HDAC4: variants seen among roughly 807,000 people sequenced by gnomAD.
HDAC4 encodes the protein histone deacetylase A.
In HDAC4, 16 loss-of-function variants were observed where a neutral mutation model predicts 135.1. The observed-to-expected ratio is 0.12, with a 90% CI of 0.08 to 0.18. The LOEUF (loss-of-function observed/expected upper bound fraction) is 0.18. Among genes scored for constraint, HDAC4 ranks in the 10% least tolerant of loss-of-function variants. HDAC4 has a pLI of 1.00. For missense variants in HDAC4, 1,143 were observed against 1,511.8 expected, an observed-to-expected ratio of 0.76 and a Z score of 4.05; for synonymous variants, 685 against 653.4, an observed-to-expected ratio of 1.05 and a Z score of -0.74.
chr2:239,346,576 C>G (rs1024753229), intron 2 of HDAC4, among the ~76,000 whole-genome samples: 4 of 140,208 alleles, frequency 2.9e-5, no homozygotes, highest in African/African-American at 5.2e-5. Context: ...CACACACACA[C>G]AGACCATAAC....
At position 239,227,714 on chromosome 2, in the gene HDAC4, TG is replaced by T. The variant is rs1340811654; in HGVS notation, c.94+8878del. 2.0e-5 allele frequency among the ~76,000 whole-genome samples: 3 copies of T among 152,178 alleles called. No homozygotes were observed. In the East Asian group the frequency reaches 5.8e-4, roughly 29 times the overall value. Reference sequence around the variant, plus strand: ...CTCGGGTGCGGAGGAACATAGTCTCTGCCCGGTGAAATGAGCAAGCAAGCCT... The same window carrying T: ...CTCGGGTGCGGAGGAACATAGTCTCTCCCGGTGAAATGAGCAAGCAAGCCT... On this transcript the variant is annotated intron_variant, in intron 3 of 26. Transcript: ENST00000543185.
intron 2 of HDAC4, among the ~76,000 whole-genome samples, chr2:239,312,982 T>A (rs1164745830): frequency 1.3e-5 from 2 of 152,174 alleles, no homozygotes; most frequent in African/African-American, 4.8e-5. Context: ...CTCCTCTCAC[T>A]GGCTGCCGAC....
chr2:239,250,544 A>C (rs932970344), intron 2 of HDAC4, among the ~76,000 whole-genome samples: 2 of 152,196 alleles, frequency 1.3e-5, no homozygotes, highest in South Asian at 4.1e-4. Context: ...GGGCAGACAC[A>C]GTGGGTACAA....
intron 6 of HDAC4, among the ~76,000 whole-genome samples, chr2:239,157,107 A>C (rs1027026694): frequency 7.9e-5 from 12 of 152,230 alleles, no homozygotes; most frequent in African/African-American, 2.9e-4. Context: ...TACCAGGGCC[A>C]CCACTGGCCA....
At chr2:239,055,673 T>A (rs2106426151) in intron 24 of HDAC4, among the ~76,000 whole-genome samples, 1 of 145,192 alleles carries the variant, frequency 6.9e-6, no homozygotes, top group Non-Finnish European at 1.5e-5. Context: ...GCCAAGATTG[T>A]GCCACCGCAC....
chr2:239,290,915 G>A (rs1007307370), intron 2 of HDAC4, among the ~76,000 whole-genome samples: 5 of 152,164 alleles, frequency 3.3e-5, no homozygotes, highest in Non-Finnish European at 5.9e-5. Flanking sequence ...GGAATTTTTC[G>A]TGGCACAGTA....
At chr2:239,287,610 G>A (rs534504944) in intron 2 of HDAC4, among the ~76,000 whole-genome samples, 14 of 152,296 alleles carry the variant, frequency 9.2e-5, no homozygotes, top group East Asian at 1.9e-4. Context: ...ATCCAACCTC[G>A]GGAGAGAGAG....
chr2:239,135,642 G>C (rs2040900451), intron 9 of HDAC4, among the ~76,000 whole-genome samples: 1 of 152,162 alleles, frequency 6.6e-6, no homozygotes, highest in Non-Finnish European at 1.5e-5. Flanking sequence ...TTTGATGCTG[G>C]AGCTCCACTC....
chr2:239,374,386 C>CTT (rs755538495), intron 1 of HDAC4, among the ~76,000 whole-genome samples: 1,234 of 56,714 alleles, frequency 0.022, 266 homozygotes, highest in African/African-American at 0.037. Context: ...GAAAACAAGG[C>CTT]TTTTTTTTTT....
chr2:239,266,870 G>T (rs1381725422), intron 2 of HDAC4, among the ~76,000 whole-genome samples: 2 of 152,160 alleles, frequency 1.3e-5, no homozygotes, highest in African/African-American at 4.8e-5. Context: ...ACACCCAGGT[G>T]CTGTGGCCTT....
intron 8 of HDAC4, among the ~76,000 whole-genome samples, chr2:239,142,597 A>T (rs1242188036): frequency 6.8e-6 from 1 of 146,752 alleles, no homozygotes; most frequent in Non-Finnish European, 1.5e-5. Context: ...GCCACAGCTC[A>T]GCACTGATCA....
At chr2:239,233,755 G>A (rs1344453810) in intron 3 of HDAC4, among the ~76,000 whole-genome samples, 1 of 152,172 alleles carries the variant, frequency 6.6e-6, no homozygotes, top group Non-Finnish European at 1.5e-5. Context: ...CAGTGGGGAG[G>A]GCTGCCCGGG....
intron 3 of HDAC4, among the ~76,000 whole-genome samples, chr2:239,202,154 C>T (rs2045794023): frequency 2.6e-5 from 4 of 152,138 alleles, no homozygotes; most frequent in South Asian, 2.1e-4. Flanking sequence ...ACCTCATCCA[C>T]GAACCTTGGA....
chr2:239,338,901 G>A lies in HDAC4; in HGVS notation c.22+13777C>T, dbSNP rs151106083. Among the ~76,000 whole-genome samples the A allele has an allele frequency of 5.2e-4, 79 of 152,334 alleles. 1 individual carries two copies. The highest frequency in any genetic ancestry group is 6.8e-3 in the Middle Eastern group (2 of 294). On this transcript the variant is annotated intron_variant, in intron 2 of 26. Transcript: ENST00000543185. ...CCAAGGCTGAGATTCTACCAAAAGC[G>A]TAGGTTCGGTTCCCCAGTGGCTGAG... is the stretch of plus-strand genomic sequence containing the variant.
chr2:239,189,736 T>C (rs2044786977), intron 4 of HDAC4, 97 bp downstream of exon 4: 3 of 1,265,186 alleles, frequency 2.4e-6, no homozygotes, highest in South Asian at 2.5e-5. Flanking sequence ...GCATCATGCC[T>C]GGGGCCCCAG....
At position 239,068,440 on chromosome 2, in the gene HDAC4, C is replaced by G; in HGVS notation, c.2869+49G>C. ...ACCTGACACGCGGAACACAGCGGAT[C>G]ATGGACATGAGCAGAACCGGCTCCT... On this transcript the variant is annotated intron_variant, in intron 23 of 26. Transcript: ENST00000543185. This position sits in a 1 kb window ranked among gnomAD's most constrained non-coding sequence, Gnocchi z 4.4. The G allele has an allele frequency of 7.5e-7, 1 of 1,327,946 alleles. No homozygotes were observed. The highest frequency in any genetic ancestry group is 1.1e-6 in the Non-Finnish European group (1 of 919,266). The allele number at this position is 1,327,946 out of a possible 1,614,324, so 82.3% of individuals were successfully genotyped here.
At position 239,189,846 on chromosome 2, in the gene HDAC4, T is replaced by A; in HGVS notation, c.326A>T (p.His109Leu). 1 of 1,607,510 alleles carries A rather than the reference T, an allele frequency of 6.2e-7. No homozygotes were observed. Among genetic ancestry groups the A allele is most frequent in the Non-Finnish European group, 8.5e-7 (1 of 1,179,676 alleles). Residue 109 changes from histidine (H) to leucine (L), a missense_variant, in exon 4 of 27, where the codon CAC becomes CTC. His to Leu is a moderately conservative substitution (Grantham distance 99). This residue lies in a region of HDAC4 where 247 missense variants were observed against 310.0 expected (regional missense o/e 0.80). Coordinates refer to ENST00000543185, the MANE Select transcript of HDAC4 (RefSeq NM_001378414.1). ...QLSRQHEAQL[H>L]EHIKQQQEML... ...ACCGCGCCTCACCTTGATGTGCTCG[T>A]GGAGCTGCGCCTCGTGCTGCCGGGA...
chr2:239,399,309 A>C (rs975055987), intron 1 of HDAC4, among the ~76,000 whole-genome samples: 3 of 152,236 alleles, frequency 2.0e-5, no homozygotes, highest in African/African-American at 7.2e-5. Context: ...TAGTTACTGC[A>C]AAATTCTGCA....
In HDAC4 at chr2:239,342,644, G is replaced by A. The variant is rs573571118; in HGVS notation, c.22+10034C>T. On this transcript the variant is annotated intron_variant, in intron 2 of 26. Coordinates refer to ENST00000543185, the MANE Select transcript of HDAC4 (RefSeq NM_001378414.1). ...TATCCCAACAGCTCTACAGCTGCCCGTCAGCATGGAACCACACTGGGTCCT... is the reference window on the plus strand; with the variant it reads ...TATCCCAACAGCTCTACAGCTGCCCATCAGCATGGAACCACACTGGGTCCT... Among the ~76,000 whole-genome samples the A allele has an allele frequency of 1.2e-3, 177 of 152,298 alleles. 2 individuals are homozygous for A. The highest frequency in any genetic ancestry group is 4.2e-3 in the African/African-American group (175 of 41,552).
Sources: gnomAD v4.1 joint callset for allele counts (sites outside exome capture counted in the v4.1 genomes callset) on GRCh38, gnomAD v4.1.1 for gene constraint, gnomAD v4.1.1 regional missense constraint, Gnocchi (gnomAD v3.1) non-coding constraint, MANE v1.5 for transcripts, NCBI Gene and HGNC (gene_info 2026-07-23, HGNC 2026-07-21) for gene names.